The following IAPP variants were observed in gnomAD, a reference collection of about 807,000 sequenced individuals.
The protein encoded by IAPP is Islet amyloid polypeptide (diabetes-associated peptide; amylin).
In IAPP, 4 loss-of-function variants were observed where a neutral mutation model predicts 2.9. The ratio of observed to expected loss-of-function variants is 1.39; its 90% CI spans 0.69 to 3.19. The LOEUF (loss-of-function observed/expected upper bound fraction) is 3.19, where lower values mean the gene tolerates loss of function less well. Ranked by LOEUF, IAPP falls within the 30% of genes most tolerant of loss-of-function variation. IAPP has a pLI of 0.01. For missense variants in IAPP, 114 were observed against 105.3 expected (o/e 1.08, Z -0.36); for synonymous variants, 40 against 42.1 (o/e 0.95, Z 0.19).
At chr12:21,357,032 A>T (rs866616164) in intron 1 of IAPP, among the ~76,000 whole-genome samples, 2 of 152,226 alleles carry the variant, frequency 1.3e-5, no homozygotes, top group South Asian at 4.1e-4. Flanking sequence ...TCACTGAGAA[A>T]GATTTACGAA....
At chr12:21,370,420 C>T (rs958910862), upstream of IAPP, among the ~76,000 whole-genome samples, 9 of 151,070 alleles carry the variant, frequency 6.0e-5, no homozygotes, top group Admixed American at 1.3e-4. Flanking sequence ...TGTTGGTGTG[C>T]TGCACCCATC....
At chr12:21,356,991 T>C (rs967246816) in intron 1 of IAPP, among the ~76,000 whole-genome samples, 1 of 149,524 alleles carries the variant, frequency 6.7e-6, no homozygotes, top group African/African-American at 2.5e-5. Context: ...ATACAGAAAA[T>C]ATTGACCACA....
intron 1 of IAPP, among the ~76,000 whole-genome samples, chr12:21,366,297 G>T (rs1056749017): frequency 7.3e-5 from 11 of 150,120 alleles, no homozygotes; most frequent in Non-Finnish European, 1.2e-4. Context: ...AGTATCACAA[G>T]GACAAAAAAC....
chr12:21,355,613 G>A (rs1229895430), intron 1 of IAPP, among the ~76,000 whole-genome samples: 3 of 152,048 alleles, frequency 2.0e-5, no homozygotes, highest in Non-Finnish European at 4.4e-5. Flanking sequence ...AGATGTTAGG[G>A]AATTCTGTAT....
chr12:21,356,146 T>C (rs547116593), intron 1 of IAPP, among the ~76,000 whole-genome samples: 5 of 152,046 alleles, frequency 3.3e-5, no homozygotes, highest in Non-Finnish European at 7.4e-5. Context: ...TGACTTTGAG[T>C]ATGTTACTAC....
At chr12:21,360,792 G>C (rs1298504023) in intron 1 of IAPP, among the ~76,000 whole-genome samples, 2 of 152,230 alleles carry the variant, frequency 1.3e-5, no homozygotes, top group Non-Finnish European at 2.9e-5. Context: ...CTCACTGCTA[G>C]CACAGCAGTC....
In IAPP at chr12:21,379,227, C is replaced by T. The variant is rs1404376549; in HGVS notation, c.*801C>T. ...AAGAAATAAAATCCTGCTCCTGACT[C>T]GGTCAAAATATTTTTTAAAGTCTAT... On this transcript the variant is annotated 3_prime_UTR_variant, in exon 3 of 3. Coordinates refer to ENST00000240652, the MANE Select transcript of IAPP (RefSeq NM_000415.3). 1.3e-5 allele frequency: 2 copies of T among 152,170 alleles called. No homozygotes were observed. Among genetic ancestry groups the T allele is most frequent in the East Asian group, 1.9e-4 (1 of 5,192 alleles). 9.4% of individuals were successfully genotyped at this position (152,170 alleles called of 1,614,324 possible). A position where few individuals can be genotyped will look rare whatever the true frequency, so the allele number is the denominator to read the frequency against.
intron 1 of IAPP, among the ~76,000 whole-genome samples, chr12:21,364,696 A>G (rs1236104910): frequency 6.6e-6 from 1 of 152,238 alleles, no homozygotes; most frequent in Non-Finnish European, 1.5e-5. Flanking sequence ...AACTTCAGCA[A>G]AATCTCAGGA....
At chr12:21,371,043 A>T (rs1465530228), upstream of IAPP, among the ~76,000 whole-genome samples, 2 of 152,228 alleles carry the variant, frequency 1.3e-5, no homozygotes, top group Non-Finnish European at 2.9e-5. Context: ...TGCAGAGAGT[A>T]GCAGCTTACG....
chr12:21,367,638 A>C (rs926110342), intron 1 of IAPP, among the ~76,000 whole-genome samples: 1 of 152,184 alleles, frequency 6.6e-6, no homozygotes, highest in Non-Finnish European at 1.5e-5. Context: ...TAAATAAAAA[A>C]GGAAAATACT....
intron 1 of IAPP, among the ~76,000 whole-genome samples, chr12:21,356,050 A>G (rs1938336971): frequency 1.3e-5 from 2 of 152,188 alleles, no homozygotes; most frequent in East Asian, 3.9e-4. Flanking sequence ...GGCATCAAAT[A>G]AAGACCCTGT....
chr12:21,367,826 T>C (rs1939503242), intron 1 of IAPP, among the ~76,000 whole-genome samples: 2 of 151,262 alleles, frequency 1.3e-5, no homozygotes, highest in Non-Finnish European at 3.0e-5. Context: ...ACAAAGGAAA[T>C]CAAAATACAT....
chr12:21,372,406 C>T (rs1939865702), upstream of IAPP, among the ~76,000 whole-genome samples: 1 of 152,052 alleles, frequency 6.6e-6, no homozygotes, highest in Admixed American at 6.6e-5. Flanking sequence ...GCTTTTAAAT[C>T]TCCCCTCACC....
At chr12:21,359,979 C>T (rs948109603) in intron 1 of IAPP, among the ~76,000 whole-genome samples, 2 of 151,306 alleles carry the variant, frequency 1.3e-5, no homozygotes, top group African/African-American at 4.9e-5. Context: ...CACATGGATA[C>T]GGAATGCAGA....
chr12:21,360,447 G>A (rs144572429), intron 1 of IAPP, among the ~76,000 whole-genome samples: 3,762 of 152,280 alleles, frequency 0.025, 186 homozygotes, highest in African/African-American at 0.086. Context: ...CAAGATGGCC[G>A]AATAGGAACA....
At chr12:21,372,162 A>T (rs139387635), upstream of IAPP, among the ~76,000 whole-genome samples, 428 of 152,330 alleles carry the variant, frequency 2.8e-3, 2 homozygotes, top group African/African-American at 9.9e-3. Context: ...ATGGGAAACA[A>T]ATCTGTTCTT....
upstream of IAPP, among the ~76,000 whole-genome samples, chr12:21,371,327 G>A (rs964459443): frequency 2.0e-5 from 3 of 152,070 alleles, no homozygotes; most frequent in Non-Finnish European, 4.4e-5. Context: ...GTCTAGTCCT[G>A]CCTCCTACCT....
At chr12:21,359,587 T>C (rs946539242) in intron 1 of IAPP, among the ~76,000 whole-genome samples, 2 of 152,018 alleles carry the variant, frequency 1.3e-5, no homozygotes, top group Admixed American at 1.3e-4. Flanking sequence ...TAAATGTCAA[T>C]GGACTTCTAA....
At chr12:21,359,602 C>A (rs956505509) in intron 1 of IAPP, among the ~76,000 whole-genome samples, 5 of 152,114 alleles carry the variant, frequency 3.3e-5, no homozygotes, top group African/African-American at 1.2e-4. Flanking sequence ...TTCTAATTAG[C>A]CAGGCATGGT....
Sources: gnomAD v4.1 joint callset for allele counts (sites outside exome capture counted in the v4.1 genomes callset) on GRCh38, gnomAD v4.1.1 for gene constraint, MANE v1.5 for transcripts, NCBI Gene and HGNC (gene_info 2026-07-23, HGNC 2026-07-21) for gene names.